TSNARE1: variants seen among roughly 807,000 people sequenced by gnomAD.
TSNARE1 encodes t-SNARE domain containing 1.
In TSNARE1, 49 loss-of-function variants were observed where a neutral mutation model predicts 62.0. The ratio of observed to expected loss-of-function variants is 0.79; its 90% confidence interval spans 0.63 to 1.00. TSNARE1 has a LOEUF of 1.00. Among genes scored for constraint, TSNARE1 ranks in the 50% least tolerant of loss-of-function variants. TSNARE1 has a pLI of 0.00. For synonymous variants in TSNARE1, 328 were observed against 294.4 expected, an observed-to-expected ratio of 1.11 and a Z score of -1.17; for missense variants, 755 against 700.1, an observed-to-expected ratio of 1.08 and a Z score of -0.88.
intron 4 of TSNARE1, among the ~76,000 whole-genome samples, chr8:142,332,909 C>A (rs1265838682): frequency 1.3e-5 from 2 of 152,236 alleles, no homozygotes; most frequent in East Asian, 3.9e-4. Flanking sequence ...CCAGCCCACA[C>A]CCGGAGAGAG....
intron 12 of TSNARE1, among the ~76,000 whole-genome samples, chr8:142,251,427 C>T (rs1415210083): frequency 1.3e-5 from 2 of 151,748 alleles, no homozygotes; most frequent in South Asian, 2.1e-4. Flanking sequence ...CCCTGCTGCT[C>T]ATGCCCCTCC....
At chr8:142,233,982 C>T (rs1428923624) in intron 12 of TSNARE1, among the ~76,000 whole-genome samples, 1 of 152,206 alleles carries the variant, frequency 6.6e-6, no homozygotes, top group African/African-American at 2.4e-5. Flanking sequence ...CTGTGGGGGG[C>T]GGATGAGGTG....
At chr8:142,221,697 CCACT>C (rs368446974) in intron 13 of TSNARE1, among the ~76,000 whole-genome samples, 5 of 2,760 alleles carry the variant, frequency 1.8e-3, no homozygotes, top group South Asian at 9.3e-3. Context: ...ACTCACTCAT[CCACT>C]CACTCATCCA....
In TSNARE1 at chr8:142,370,851, A is replaced by AC. The variant is rs1472995471; in HGVS notation, c.-39-16089_-39-16088insG. On this transcript the variant is annotated intron_variant, in intron 1 of 13. Transcript: ENST00000524325. ...TGCTGGGAGGGAAAACAAAAAACAA[A>AC]AAAAAAAAAACCTGCAAGCCAGAAT... Among the ~76,000 whole-genome samples the AC allele has an allele frequency of 7.8e-4, 118 of 151,586 alleles. 2 individuals are homozygous for AC. Among genetic ancestry groups the AC allele is most frequent in the Admixed American group, 2.0e-3 (31 of 15,262 alleles).
intron 12 of TSNARE1, among the ~76,000 whole-genome samples, chr8:142,247,256 A>G (rs1200209294): frequency 6.6e-6 from 1 of 152,134 alleles, no homozygotes; most frequent in Non-Finnish European, 1.5e-5. Flanking sequence ...GAGCCCAGCA[A>G]AGCTCTGGGG....
chr8:142,274,157 C>G, intron 12 of TSNARE1: 1 of 985,420 alleles, frequency 1.0e-6, no homozygotes, highest in Non-Finnish European at 1.2e-6. Context: ...CCCGTCAGGG[C>G]CAGTGGGGAG....
intron 4 of TSNARE1, among the ~76,000 whole-genome samples, chr8:142,332,664 C>T (rs941412761): frequency 2.6e-5 from 4 of 152,180 alleles, no homozygotes; most frequent in African/African-American, 7.2e-5. Flanking sequence ...TGAGGATAAA[C>T]GGCACGGCCA....
At chr8:142,256,274 C>CCAT in intron 12 of TSNARE1, among the ~76,000 whole-genome samples, 1 of 104,676 alleles carries the variant, frequency 9.6e-6, no homozygotes, top group Non-Finnish European at 2.1e-5. Flanking sequence ...ACCATCACCA[C>CCAT]CACCATTACC....
chr8:142,266,200 G>C (rs1292339197), intron 12 of TSNARE1, among the ~76,000 whole-genome samples: 1 of 152,170 alleles, frequency 6.6e-6, no homozygotes, highest in African/African-American at 2.4e-5. Context: ...TACTATCATT[G>C]TCCAGTAGTT....
chr8:142,259,014 G>A (rs1013767947), intron 12 of TSNARE1, among the ~76,000 whole-genome samples: 1 of 152,204 alleles, frequency 6.6e-6, no homozygotes, highest in African/African-American at 2.4e-5. Context: ...TGCACGGTCC[G>A]GCAAGCTCAG....
At chr8:142,292,030 C>T (rs902330151) in intron 10 of TSNARE1, among the ~76,000 whole-genome samples, 1 of 151,868 alleles carries the variant, frequency 6.6e-6, no homozygotes, top group African/African-American at 2.4e-5. Context: ...TTCTGAGGCT[C>T]GGCTTCCTTC....
In TSNARE1 at chr8:142,254,058, C is replaced by A. The variant is rs144227889; in HGVS notation, c.1446+20723G>T. 2.0e-3 allele frequency among the ~76,000 whole-genome samples: 309 copies of A among 152,372 alleles called. 2 individuals carry two copies. Among genetic ancestry groups the A allele is most frequent in the Middle Eastern group, 6.8e-3 (2 of 294 alleles). ...TATTCTTGGCTTTTCGTTTAGAGAG[C>A]AATAAAATGCTCTGTGCCTCCCTTC... On this transcript the variant is annotated intron_variant, in intron 12 of 13. Coordinates refer to ENST00000524325, the MANE Select transcript of TSNARE1 (RefSeq NM_145003.5).
chr8:142,284,719 G>C (rs1447089228), intron 10 of TSNARE1, among the ~76,000 whole-genome samples: 1 of 152,188 alleles, frequency 6.6e-6, no homozygotes, highest in African/African-American at 2.4e-5. Context: ...AGACAGGGCA[G>C]GGATCTGAGT....
chr8:142,382,718 C>T (rs1284097977), intron 1 of TSNARE1, among the ~76,000 whole-genome samples: 1 of 152,370 alleles, frequency 6.6e-6, no homozygotes, highest in East Asian at 1.9e-4. Context: ...GAAAGCTGTT[C>T]ACTTCACCAG....
chr8:142,333,240 G>A (rs757995207), intron 4 of TSNARE1, among the ~76,000 whole-genome samples: 16 of 152,172 alleles, frequency 1.1e-4, no homozygotes, highest in South Asian at 2.1e-4. Flanking sequence ...AAAAGTGAAC[G>A]GCAAGTAAAG....
At chr8:142,316,089 G>A (rs1484704714) in intron 7 of TSNARE1, among the ~76,000 whole-genome samples, 4 of 152,076 alleles carry the variant, frequency 2.6e-5, no homozygotes, top group South Asian at 4.1e-4. Context: ...AGCACCTCAC[G>A]TAAGCGCAGC....
intron 13 of TSNARE1, among the ~76,000 whole-genome samples, chr8:142,227,021 C>T (rs1428588601): frequency 7.5e-6 from 1 of 132,474 alleles, no homozygotes; most frequent in Non-Finnish European, 1.6e-5. Context: ...ACAGCCAAGC[C>T]CCCCACTGCA....
rs75578196 is a variant in TSNARE1 at position 142,357,149 on chromosome 8, G to A, written c.-39-2386C>T. ...AGAGTTCCAGAAAGAAGGACAGGAG[G>A]GCCAGGGGAAGAGAATCGTCAGGAA... On this transcript the variant is annotated intron_variant, in intron 1 of 13. Coordinates refer to ENST00000524325, the MANE Select transcript of TSNARE1 (RefSeq NM_145003.5). Among the ~76,000 whole-genome samples, 1,181 of 152,308 alleles carry A rather than the reference G, an allele frequency of 7.8e-3. 22 individuals are homozygous for A. Among genetic ancestry groups the A allele is most frequent in the African/African-American group, 0.027 (1,131 of 41,558 alleles).
chr8:142,277,915 G>GC, intron 11 of TSNARE1: 4 of 985,292 alleles, frequency 4.1e-6, no homozygotes, highest in Non-Finnish European at 4.8e-6. Flanking sequence ...CTCCTTCTCA[G>GC]CCCCACACCA....
Sources: gnomAD v4.1 joint callset for allele counts (sites outside exome capture counted in the v4.1 genomes callset) on GRCh38, gnomAD v4.1.1 for gene constraint, MANE v1.5 for transcripts, NCBI Gene and HGNC (gene_info 2026-07-23, HGNC 2026-07-21) for gene names.